Variants in DNAH7 observed in about 807,000 individuals in gnomAD.
DNAH7 encodes the protein axonemal beta dynein heavy chain 7.
DNAH7 carries 397 observed loss-of-function variants against 444.6 expected under a neutral mutation model. That is an observed-to-expected ratio of 0.89 (90% CI 0.82 to 0.97). The LOEUF is 0.97. Among genes scored for constraint, DNAH7 ranks in the 50% least tolerant of loss-of-function variants. DNAH7 has a pLI of 0.00. For synonymous variants in DNAH7, 1,636 were observed against 1,624.4 expected (o/e 1.01, Z -0.17); for missense variants, 4,902 against 4,800.8 (o/e 1.02, Z -0.62).
At chr2:195,740,648 TATAC>T (rs1692968708) in intron 64 of DNAH7, 114 bp downstream of exon 64, 2 of 60,544 alleles carry the variant, frequency 3.3e-5, no homozygotes, top group African/African-American at 8.6e-5. Context: ...TATATATACA[TATAC>T]ACACACACAT....
At position 195,796,559 on chromosome 2, in the gene DNAH7, T is replaced by C; in HGVS notation, c.10515+17A>G. The C allele has an allele frequency of 1.2e-6, 2 of 1,613,774 alleles. No homozygotes were observed. The highest frequency in any genetic ancestry group is 2.2e-5 in the East Asian group (1 of 44,852). On this transcript the variant is annotated intron_variant, in intron 56 of 64. Transcript: ENST00000312428. ...TCCAGGGAATGCAATCTAATAAGTA[T>C]AAACTTGCATTTTTACCTCACAGAC... is the stretch of plus-strand genomic sequence containing the variant.
chr2:195,952,333 A>C (rs752306394), intron 19 of DNAH7, among the ~76,000 whole-genome samples: 2 of 152,016 alleles, frequency 1.3e-5, no homozygotes, highest in Non-Finnish European at 2.9e-5. Context: ...TTTGTGGGTA[A>C]CCCGACCTTT....
intron 2 of DNAH7, among the ~76,000 whole-genome samples, chr2:196,051,511 T>A (rs1466209807): frequency 6.6e-6 from 1 of 152,190 alleles, no homozygotes; most frequent in Non-Finnish European, 1.5e-5. Context: ...GCGGTGGCTG[T>A]AATCCCAGCA....
intron 24 of DNAH7, among the ~76,000 whole-genome samples, chr2:195,915,292 T>A (rs1687606303): frequency 6.6e-6 from 1 of 152,240 alleles, no homozygotes; most frequent in African/African-American, 2.4e-5. Flanking sequence ...TCCAAAGGAT[T>A]AAGTAGGAGT....
At chr2:196,037,483 C>T (rs1381810012) in intron 5 of DNAH7, among the ~76,000 whole-genome samples, 3 of 152,046 alleles carry the variant, frequency 2.0e-5, no homozygotes, top group Non-Finnish European at 4.4e-5. Flanking sequence ...CAAGAGAACA[C>T]ATATAAACAA....
intron 63 of DNAH7, among the ~76,000 whole-genome samples, chr2:195,747,950 C>T (rs1352743078): frequency 6.6e-6 from 1 of 152,202 alleles, no homozygotes; most frequent in African/African-American, 2.4e-5. Context: ...TCTCTCACCA[C>T]TCGTATTCAA....
In DNAH7 at chr2:196,047,394, T is replaced by G. The variant is rs767165594; in HGVS notation, c.356A>C (p.Lys119Thr). The stretch of plus-strand genomic sequence containing the variant: ...AGTACTTCTAAAGTTTTCTCGTTCT[T>G]TATGTGGAGATTTGCCCTTTGATTT... ...TSKSKGKSPHKERENFRSTLV... is the reference protein window; with the variant it reads ...TSKSKGKSPHTERENFRSTLV... The change falls in exon 5 of 65, where the codon AAA (lysine) becomes ACA (threonine). Residue 119 changes from lysine to threonine, a missense_variant. Coordinates refer to ENST00000312428, the MANE Select transcript of DNAH7 (RefSeq NM_018897.3). 1 of 1,602,288 alleles carries G rather than the reference T, an allele frequency of 6.2e-7. No homozygotes were observed. Among genetic ancestry groups the G allele is most frequent in the Non-Finnish European group, 8.5e-7 (1 of 1,173,516 alleles).
chr2:195,874,747 A>G (rs1482510936), intron 38 of DNAH7, among the ~76,000 whole-genome samples: 1 of 152,118 alleles, frequency 6.6e-6, no homozygotes, highest in Non-Finnish European at 1.5e-5. Flanking sequence ...ACTTGAGCCC[A>G]GGAGTTTAAG....
In DNAH7 at chr2:195,858,568, G is replaced by A. The variant is rs1234074866; in HGVS notation, c.7973C>T (p.Ser2658Phe). 1.2e-6 allele frequency: 2 copies of A among 1,613,928 alleles called. No homozygotes were observed. Among genetic ancestry groups the A allele is most frequent in the Non-Finnish European group, 1.7e-6 (2 of 1,179,926 alleles). ...ATCGCACTCATCTTTGATGGCTTTGGAAGCCATAGCTTGTTCATTCGCTAT... is the reference window on the plus strand; with the variant it reads ...ATCGCACTCATCTTTGATGGCTTTGAAAGCCATAGCTTGTTCATTCGCTAT... ...ETIANEQAMA[S>F]KAIKDECDAD... Residue 2658 changes from serine (S) to phenylalanine (F), a missense_variant, in exon 43 of 65, where the codon TCC becomes TTC. By Grantham distance (155) the Ser-to-Phe change is radical. Transcript: ENST00000312428.
At chr2:195,743,417 C>T (rs933312114) in intron 63 of DNAH7, among the ~76,000 whole-genome samples, 4 of 152,150 alleles carry the variant, frequency 2.6e-5, no homozygotes, top group African/African-American at 9.7e-5. Context: ...ATTTCAAATA[C>T]TAAAAAACGT....
chr2:195,972,346 G>C lies in DNAH7; in HGVS notation c.1954C>G (p.Leu652Val). Residue 652 changes from leucine (L) to valine (V), a missense_variant, in exon 16 of 65, where the codon CTA (leucine) becomes GTA (valine). Leu to Val is a conservative substitution (Grantham distance 32). Transcript: ENST00000312428. ...YVNFSPADMR[L>V]NNSVFQWYGR... ...TACCACTGGAAAACACTATTATTTAGCCTCATGTCTGCTGGAGAAAAGTTG... is the reference window on the plus strand; with the variant it reads ...TACCACTGGAAAACACTATTATTTACCCTCATGTCTGCTGGAGAAAAGTTG... 1.2e-6 allele frequency: 2 copies of C among 1,613,902 alleles called. No homozygotes were observed. Among genetic ancestry groups the C allele is most frequent in the Non-Finnish European group, 1.7e-6 (2 of 1,179,960 alleles).
chr2:195,821,338 TTCTC>T (rs888507454), intron 49 of DNAH7, among the ~76,000 whole-genome samples: 4 of 152,228 alleles, frequency 2.6e-5, no homozygotes, highest in Admixed American at 2.0e-4. Flanking sequence ...GAGGTTGCTG[TTCTC>T]TCTACTTTTG....
intron 33 of DNAH7, 102 bp from the exon 34 acceptor site, chr2:195,886,374 T>A: frequency 9.2e-7 from 1 of 1,083,658 alleles, no homozygotes; most frequent in Non-Finnish European, 1.3e-6. Flanking sequence ...TAACAGGTAG[T>A]AATAATTTTA....
At chr2:195,869,332 C>T (rs1375984366) in intron 40 of DNAH7, among the ~76,000 whole-genome samples, 9 of 151,620 alleles carry the variant, frequency 5.9e-5, no homozygotes, top group Non-Finnish European at 1.0e-4. Context: ...CTCACAATTA[C>T]CTCATATTTT....
chr2:195,978,234 A>G (rs1574934808), intron 15 of DNAH7, among the ~76,000 whole-genome samples: 2 of 152,254 alleles, frequency 1.3e-5, no homozygotes, highest in South Asian at 4.1e-4. Context: ...AAACAACAAA[A>G]TGTTAAAAAG....
Position 195,857,400 on chromosome 2 carries a change from G to C in DNAH7, c.8391C>G (p.Val2797=). 6.3e-7 allele frequency: 1 copy of C among 1,595,172 alleles called. No individual in the cohort carries two copies. Among genetic ancestry groups the C allele is most frequent in the Non-Finnish European group, 8.5e-7 (1 of 1,173,376 alleles). ...STAAEGLCKW[V]IAMDSYDKVA... is the part of the protein sequence containing the mutation. ...ACTTATCATATGAATCCATTGCTAT[G>C]ACCCATTTGCACAGACCTTCGGCCG... The change falls in exon 44 of 65, where the codon GTC becomes GTG. Residue 2797 remains valine (V), a synonymous_variant. Transcript: ENST00000312428.
chr2:196,068,565 T>G, intron 1 of DNAH7, 132 bp downstream of exon 1: 2 of 1,197,720 alleles, frequency 1.7e-6, no homozygotes, highest in Admixed American at 2.4e-5. Flanking sequence ...AGGCCACAAG[T>G]GGGGTGAAGG....
At chr2:195,826,834 G>C (rs1031059978) in intron 48 of DNAH7, among the ~76,000 whole-genome samples, 5 of 152,192 alleles carry the variant, frequency 3.3e-5, no homozygotes, top group African/African-American at 1.2e-4. Flanking sequence ...TCTAAATAGT[G>C]AGGGATCCAA....
At chr2:195,909,564 T>A (rs2125302003) in intron 25 of DNAH7, among the ~76,000 whole-genome samples, 1 of 152,272 alleles carries the variant, frequency 6.6e-6, no homozygotes, top group South Asian at 2.1e-4. Flanking sequence ...ATCTATAATG[T>A]ATAAAAATAA....
Sources: gnomAD v4.1 joint callset for allele counts (sites outside exome capture counted in the v4.1 genomes callset) on GRCh38, gnomAD v4.1.1 for gene constraint, MANE v1.5 for transcripts, NCBI Gene and HGNC (gene_info 2026-07-23, HGNC 2026-07-21) for gene names.